Variants in INTS1 observed in about 807,000 individuals in gnomAD.
The protein encoded by INTS1 is integrator complex subunit 1.
INTS1 carries 137 observed loss-of-function variants against 241.6 expected under a neutral mutation model. The ratio of observed to expected loss-of-function variants is 0.57; its 90% confidence interval spans 0.49 to 0.65. INTS1 has a LOEUF of 0.65. Ranked by LOEUF, INTS1 falls within the 30% of genes least tolerant of loss-of-function variation. INTS1 has a pLI of 0.00. For missense variants in INTS1, 3,073 were observed against 3,032.2 expected (o/e 1.01, Z -0.32); for synonymous variants, 1,692 against 1,337.8 (o/e 1.26, Z -5.78).
At chr7:1,475,152 G>A (rs1210038470) in intron 39 of INTS1, among the ~76,000 whole-genome samples, 6 of 152,222 alleles carry the variant, frequency 3.9e-5, no homozygotes, top group African/African-American at 1.2e-4. Context: ...GTGAGGCCGC[G>A]GCAGAAGATC....
chr7:1,470,968 C>A lies in INTS1; in HGVS notation c.6348-13G>T. 6.4e-7 allele frequency: 1 copy of A among 1,551,796 alleles called. No individual in the cohort carries two copies. The highest frequency in any genetic ancestry group is 8.7e-7 in the Non-Finnish European group (1 of 1,147,598). On this transcript the variant is annotated splice_polypyrimidine_tract_variant and intron_variant, in intron 46 of 47. Coordinates refer to ENST00000404767, the MANE Select transcript of INTS1 (RefSeq NM_001080453.3). ...AGCGGCTGCAATGCTGAAAGACCCACACACTTCAGTGGGAACCTCCACCCT... is the reference window on the plus strand; with the variant it reads ...AGCGGCTGCAATGCTGAAAGACCCAAACACTTCAGTGGGAACCTCCACCCT...
At chr7:1,496,679 G>T (rs1191405946) in intron 11 of INTS1, among the ~76,000 whole-genome samples, 1 of 152,174 alleles carries the variant, frequency 6.6e-6, no homozygotes, top group East Asian at 1.9e-4. Context: ...TCAGTCAACA[G>T]AGATCCACAA....
At chr7:1,496,355 G>C in intron 11 of INTS1, 91 bp from the exon 12 acceptor site, 1 of 505,142 alleles carries the variant, frequency 2.0e-6, no homozygotes, top group Non-Finnish European at 3.5e-6. Flanking sequence ...TCTGTATCCA[G>C]AAGGGACACC....
In INTS1 at chr7:1,497,098, C is replaced by T. The variant is rs555613466; in HGVS notation, c.1602+40G>A. On this transcript the variant is annotated intron_variant, in intron 11 of 47. Transcript: ENST00000404767. This position sits in a 1 kb window ranked among gnomAD's most constrained non-coding sequence, Gnocchi z 5.3. Reference sequence around the variant, plus strand: ...GAGGGGGATGGCGGCGCGTGGAACCCGCAGTGAGGGAAAGGCGCCCCAGCG... The same window carrying T: ...GAGGGGGATGGCGGCGCGTGGAACCTGCAGTGAGGGAAAGGCGCCCCAGCG... 1.1e-4 allele frequency: 175 copies of T among 1,557,972 alleles called. 1 individual carries two copies. In the East Asian group the frequency reaches 3.0e-3, roughly 27 times the overall value.
chr7:1,476,577 G>C lies in INTS1; in HGVS notation c.5144C>G (p.Thr1715Ser). The part of the protein sequence containing the change: ...PRIWQGRDQR[T>S]PQKRREELVL... Reference sequence around the variant, plus strand: ...CACCCTCCCAAGACCTGCCTGCGGGGTGCGCTGGTCCCGCCCCTGCCAGAT... The same window carrying C: ...CACCCTCCCAAGACCTGCCTGCGGGCTGCGCTGGTCCCGCCCCTGCCAGAT... The change falls in exon 37 of 48, where the codon ACC becomes AGC. Residue 1715 changes from threonine to serine, a missense_variant. Coordinates refer to ENST00000404767, the MANE Select transcript of INTS1 (RefSeq NM_001080453.3). The C allele has an allele frequency of 6.7e-7, 1 of 1,500,704 alleles. No individual in the cohort carries two copies. The highest frequency in any genetic ancestry group is 1.2e-5 in the South Asian group (1 of 84,678). The allele number at this position is 1,500,704 out of a possible 1,614,324, so 93.0% of individuals were successfully genotyped here. A position where few individuals can be genotyped will look rare whatever the true frequency, so the allele number is the denominator to read the frequency against.
intron 13 of INTS1, 30 bp from the exon 14 acceptor site, chr7:1,494,923 T>C: frequency 6.5e-7 from 1 of 1,549,564 alleles, no homozygotes; most frequent in Non-Finnish European, 8.7e-7. Context: ...CCCTCAGTCA[T>C]GATGTGGGTG....
In INTS1 at chr7:1,487,038, C is replaced by G; in HGVS notation, c.2710G>C (p.Val904Leu). The part of the protein sequence containing the change: ...LVQSSEGSLD[V>L]LPVQCLCEFL... ...TCGCACAGACACTGCACGGGCAGCA[C>G]GTCCAGGGAGCCCTCGCTGGACTGT... The change falls in exon 21 of 48, where the codon GTG becomes CTG. Residue 904 changes from valine to leucine, a missense_variant. Coordinates refer to ENST00000404767, the MANE Select transcript of INTS1 (RefSeq NM_001080453.3). The G allele has an allele frequency of 6.3e-7, 1 of 1,587,486 alleles. No individual in the cohort carries two copies. Among genetic ancestry groups the G allele is most frequent in the South Asian group, 1.1e-5 (1 of 88,198 alleles).
At chr7:1,486,007 C>T (rs528472545) in intron 22 of INTS1, among the ~76,000 whole-genome samples, 1 of 152,158 alleles carries the variant, frequency 6.6e-6, no homozygotes, top group South Asian at 2.1e-4. Flanking sequence ...CATTATGTTG[C>T]CCAGGCTGGT....
chr7:1,503,254 C>A, intron 2 of INTS1, 63 bp from the exon 3 acceptor site: 2 of 1,464,414 alleles, frequency 1.4e-6, no homozygotes, highest in Non-Finnish European at 1.8e-6. Flanking sequence ...AAAAGACTGA[C>A]TCTAACCTCC....
chr7:1,494,587 T>TG, intron 14 of INTS1: 1 of 591,532 alleles, frequency 1.7e-6, no homozygotes, highest in Non-Finnish European at 3.0e-6. Flanking sequence ...GGCTGGGGCT[T>TG]GGAGTCACGT....
Position 1,498,826 on chromosome 7 carries a change from C to G in INTS1, c.1164G>C (p.Leu388=). ...PKLTRPAQDL[L]MSVCMNCNTH... ...TGTTGCAGTTCATGCAGACGGACATCAGCAGGTCCTGGGCCGGCCGGGTCA... is the reference window on the plus strand; with the variant it reads ...TGTTGCAGTTCATGCAGACGGACATGAGCAGGTCCTGGGCCGGCCGGGTCA... The change falls in exon 9 of 48, where the codon CTG becomes CTC. Residue 388 remains leucine, a synonymous_variant. Coordinates refer to ENST00000404767, the MANE Select transcript of INTS1 (RefSeq NM_001080453.3). 1 of 1,605,832 alleles carries G rather than the reference C, an allele frequency of 6.2e-7. No homozygotes were observed. The highest frequency in any genetic ancestry group is 8.5e-7 in the Non-Finnish European group (1 of 1,176,736).
intron 35 of INTS1, 137 bp downstream of exon 35, chr7:1,477,413 C>G (rs1340713549): frequency 9.8e-7 from 1 of 1,022,174 alleles, no homozygotes; most frequent in African/African-American, 1.6e-5. Context: ...TGGGTTGCTA[C>G]AGGGACACAT....
At chr7:1,494,564 C>T (rs1357734070) in intron 14 of INTS1, 14 of 568,630 alleles carry the variant, frequency 2.5e-5, no homozygotes, top group Non-Finnish European at 4.1e-5. Flanking sequence ...GGCGGGGGTC[C>T]GGGGGAGGCT....
chr7:1,503,583 G>A lies in INTS1; in HGVS notation c.58+320C>T, dbSNP rs1052583317. 2.0e-5 allele frequency among the ~76,000 whole-genome samples: 3 copies of A among 152,244 alleles called. No individual in the cohort carries two copies. The East Asian group carries it at 5.8e-4, about 29-fold the overall frequency. On this transcript the variant is annotated intron_variant, in intron 2 of 47. Transcript: ENST00000404767. ...CCGGAGGATCTGAGCCGACAGTTCA[G>A]CCGCAGACCCCGTGCTACGCTACAC...
At chr7:1,482,388 G>A in intron 27 of INTS1, 158 bp downstream of exon 27, 2 of 652,410 alleles carry the variant, frequency 3.1e-6, no homozygotes, top group Non-Finnish European at 4.9e-6. Context: ...AGCACAGCCT[G>A]CTGTGGCCAG....
At chr7:1,479,743 G>T in intron 30 of INTS1, 59 bp from the exon 31 acceptor site, 1 of 1,428,824 alleles carries the variant, frequency 7.0e-7, no homozygotes, top group African/African-American at 1.4e-5. Flanking sequence ...GGAGCGCAGC[G>T]GAGAGGCTAA....
In INTS1 at chr7:1,476,779, CAG is replaced by C. The variant is rs1379244689; in HGVS notation, c.5063+13_5063+14del. 6.2e-7 allele frequency: 1 copy of C among 1,612,520 alleles called. No homozygotes were observed. ...GTATGCGCGCAGCCCAGGTTGGGGA[CAG>C]GGAGGCGCCCACCTCTGTTCCCGGC... On this transcript the variant is annotated intron_variant, in intron 36 of 47. Transcript: ENST00000404767.
intron 16 of INTS1, among the ~76,000 whole-genome samples, chr7:1,491,221 T>C (rs772010970): frequency 6.6e-6 from 1 of 152,210 alleles, no homozygotes; most frequent in African/African-American, 2.4e-5. Context: ...AGCACGAAGA[T>C]GATCGGGCCT....
chr7:1,473,799 A>G, intron 41 of INTS1, 106 bp from the exon 42 acceptor site: 1 of 1,412,748 alleles, frequency 7.1e-7, no homozygotes, highest in African/African-American at 1.4e-5. Context: ...CCCCACAGCC[A>G]ACGAGCCCCC....
Sources: allele counts gnomAD v4.1 joint callset (sites outside exome capture counted in the v4.1 genomes callset), GRCh38; gene constraint gnomAD v4.1.1; non-coding constraint Gnocchi (gnomAD v3.1); transcripts MANE v1.5; gene names NCBI Gene and HGNC (gene_info 2026-07-23, HGNC 2026-07-21).